Variants in ZFPM1 observed in about 807,000 individuals in gnomAD.
ZFPM1 encodes zinc finger protein, FOG family member 1.
ZFPM1 carries 28 observed loss-of-function variants against 46.3 expected under a neutral mutation model. That is an observed-to-expected ratio of 0.60 (90% CI 0.45 to 0.83). The LOEUF is 0.83. Among genes scored for constraint, ZFPM1 ranks in the 40% least tolerant of loss-of-function variants. The pLI is 0.00. For missense variants in ZFPM1, 1,878 were observed against 1,432.4 expected (o/e 1.31, Z -5.02); for synonymous variants, 957 against 675.9 (o/e 1.42, Z -6.45).
At chr16:88,529,913 G>A (rs142218777) in intron 6 of ZFPM1, among the ~76,000 whole-genome samples, 248 of 152,314 alleles carry the variant, frequency 1.6e-3, no homozygotes, top group Non-Finnish European at 2.9e-3. Flanking sequence ...GGTGACACTG[G>A]AGAGAACGGG....
intron 4 of ZFPM1, among the ~76,000 whole-genome samples, chr16:88,521,839 C>G (rs1911927754): frequency 6.7e-6 from 1 of 149,290 alleles, no homozygotes; most frequent in Non-Finnish European, 1.5e-5. Context: ...CTCCCCTATG[C>G]TGTTCCCTCT....
At chr16:88,463,970 C>T (rs977701222) in intron 1 of ZFPM1, among the ~76,000 whole-genome samples, 4 of 152,198 alleles carry the variant, frequency 2.6e-5, no homozygotes, top group African/African-American at 9.6e-5. Flanking sequence ...GCAGGGCCAG[C>T]CCTGGGCACT....
rs753779604 is a variant in ZFPM1, at chr16:88,534,499, C to A, written c.2541C>A (p.Gly847=). The A allele has an allele frequency of 3.8e-5, 56 of 1,460,744 alleles. 1 individual carries two copies. In the South Asian group the frequency reaches 6.5e-4, roughly 17 times the overall value. 90.5% of individuals were successfully genotyped at this position (1,460,744 alleles called of 1,614,324 possible). ...KYSCPAAPPP[G]ALGLPAAACP... ...CGTGCCCCGCTGCGCCACCGCCCGGCGCGCTCGGCCTGCCCGCCGCCGCCT... is the reference window on the plus strand; with the variant it reads ...CGTGCCCCGCTGCGCCACCGCCCGGAGCGCTCGGCCTGCCCGCCGCCGCCT... Residue 847 remains glycine (G), a synonymous_variant, in exon 10 of 10, where the codon GGC becomes GGA. Coordinates refer to ENST00000319555, the MANE Select transcript of ZFPM1 (RefSeq NM_153813.3).
intron 3 of ZFPM1, among the ~76,000 whole-genome samples, chr16:88,510,081 G>T (rs970459697): frequency 6.6e-6 from 1 of 152,108 alleles, no homozygotes; most frequent in Non-Finnish European, 1.5e-5. Context: ...CTAGGAGAGA[G>T]AGAATAGTGC....
intron 3 of ZFPM1, among the ~76,000 whole-genome samples, chr16:88,511,120 G>C (rs1910935216): frequency 6.6e-6 from 1 of 152,206 alleles, no homozygotes; most frequent in Admixed American, 6.5e-5. Flanking sequence ...GAGGCTGGCA[G>C]GGAAGGACAC....
At chr16:88,533,018 T>TG in intron 9 of ZFPM1, 83 bp downstream of exon 9, 2 of 1,567,164 alleles carry the variant, frequency 1.3e-6, no homozygotes, top group Non-Finnish European at 1.7e-6. Context: ...CCAAGACAGG[T>TG]GGGGGTCCGT....
intron 1 of ZFPM1, among the ~76,000 whole-genome samples, chr16:88,485,125 G>C (rs1009195364): frequency 2.6e-5 from 4 of 152,228 alleles, no homozygotes; most frequent in African/African-American, 9.6e-5. Context: ...TGGGCCCCTG[G>C]GCGGGGCACT....
Position 88,533,911 on chromosome 16 carries a change from G to C in ZFPM1, c.1953G>C (p.Ala651=). 1.8e-6 allele frequency: 2 copies of C among 1,141,518 alleles called. No individual in the cohort carries two copies. The highest frequency in any genetic ancestry group is 2.2e-6 in the Non-Finnish European group (2 of 919,972). 70.7% of individuals were successfully genotyped at this position (1,141,518 alleles called of 1,614,324 possible). Residue 651 remains alanine (A), a synonymous_variant, in exon 10 of 10, where the codon GCG becomes GCC. Transcript: ENST00000319555. ...CGCGCGAGGAGGGGGCTGGGGGCGC[G>C]GCCACGCCCGAGGACGGCGCGGGCG... ...PGAREEGAGG[A]ATPEDGAGGR...
rs1913191035 is a variant in ZFPM1, at chr16:88,535,130, C to T, written c.*151C>T. The T allele has an allele frequency of 5.2e-6, 5 of 956,878 alleles. No homozygotes were observed. Among genetic ancestry groups the T allele is most frequent in the Middle Eastern group, 3.5e-4 (1 of 2,822 alleles). The allele number at this position is 956,878 out of a possible 1,614,324, so 59.3% of individuals were successfully genotyped here. On this transcript the variant is annotated 3_prime_UTR_variant, in exon 10 of 10. Transcript: ENST00000319555. ...CGCAGGGGGCAGCGCCCGCCTGGAC[C>T]CTTGGCACTTAATAAAGAAGTTCAG...
At chr16:88,460,946 C>T (rs1382498270) in intron 1 of ZFPM1, among the ~76,000 whole-genome samples, 1 of 46,466 alleles carries the variant, frequency 2.2e-5, no homozygotes, top group Non-Finnish European at 3.7e-5. Flanking sequence ...TGGTGATGAC[C>T]GAGGGGCGGG....
At position 88,469,358 on chromosome 16, in the gene ZFPM1, C is replaced by A. The variant is rs1358427502; in HGVS notation, c.40+15680C>A. On this transcript the variant is annotated intron_variant, in intron 1 of 9. Coordinates refer to ENST00000319555, the MANE Select transcript of ZFPM1 (RefSeq NM_153813.3). The surrounding 1 kb of genome is among the most constrained non-coding windows in gnomAD (Gnocchi z 4.3). ...GAAGGCGGTCTAGTAGGTCTGCCTC[C>A]CAGGATGGTTTCTGGGCTCTTCAGC... Among the ~76,000 whole-genome samples the A allele has an allele frequency of 2.6e-5, 4 of 152,222 alleles. No individual in the cohort carries two copies. The highest frequency in any genetic ancestry group is 7.2e-5 in the African/African-American group (3 of 41,458).
At chr16:88,527,779 T>C (rs1025994266) in intron 5 of ZFPM1, among the ~76,000 whole-genome samples, 2 of 151,456 alleles carry the variant, frequency 1.3e-5, no homozygotes, top group Non-Finnish European at 2.9e-5. Flanking sequence ...CGTCATCCCT[T>C]TCCTGGGAGA....
intron 1 of ZFPM1, among the ~76,000 whole-genome samples, chr16:88,456,485 G>C (rs1907567154): frequency 6.6e-6 from 1 of 152,194 alleles, no homozygotes; most frequent in Non-Finnish European, 1.5e-5. Context: ...AGACCTGCCT[G>C]GGCTGAGCAC....
At position 88,461,054 on chromosome 16, in the gene ZFPM1, C is replaced by CCTGGTGAGGACCCAGGGGCAGAAGGT. The variant is rs1567525610; in HGVS notation, c.40+7389_40+7414dup. On this transcript the variant is annotated intron_variant, in intron 1 of 9. Transcript: ENST00000319555. ...TGGTGAGGACCGAGGGGCGGGAGGC[C>CCTGGTGAGGACCCAGGGGCAGAAGGT]CTGGTGAGGACCCAGGGGCAGAAGG... Among the ~76,000 whole-genome samples, 416 of 69,826 alleles carry CCTGGTGAGGACCCAGGGGCAGAAGGT rather than the reference C, an allele frequency of 6.0e-3. 2 individuals are homozygous for CCTGGTGAGGACCCAGGGGCAGAAGGT. Among genetic ancestry groups the CCTGGTGAGGACCCAGGGGCAGAAGGT allele is most frequent in the Non-Finnish European group, 8.3e-3 (310 of 37,544 alleles). 45.8% of individuals were successfully genotyped at this position (69,826 alleles called of 152,430 possible).
intron 6 of ZFPM1, among the ~76,000 whole-genome samples, chr16:88,531,238 A>G (rs1912761827): frequency 6.6e-6 from 1 of 152,180 alleles, no homozygotes; most frequent in Non-Finnish European, 1.5e-5. Context: ...CAGATGGGGC[A>G]GGGCTCTGGG....
chr16:88,520,370 G>T (rs1156268693), intron 4 of ZFPM1, among the ~76,000 whole-genome samples: 1 of 151,796 alleles, frequency 6.6e-6, no homozygotes, highest in Non-Finnish European at 1.5e-5. Context: ...TGGGTGGATG[G>T]ATGAGTGGAT....
chr16:88,483,650 C>T lies in ZFPM1; in HGVS notation c.41-2289C>T, dbSNP rs376090984. Among the ~76,000 whole-genome samples the T allele has an allele frequency of 1.9e-3, 291 of 152,378 alleles. 10 individuals carry two copies. In the South Asian group the frequency reaches 0.058, roughly 31 times the overall value. On this transcript the variant is annotated intron_variant, in intron 1 of 9. Transcript: ENST00000319555. ...CCGGGGCCCATCTGTTGTTCTCTGACTGTCCCCACAGTGGCCCGGACACCC... is the reference window on the plus strand; with the variant it reads ...CCGGGGCCCATCTGTTGTTCTCTGATTGTCCCCACAGTGGCCCGGACACCC...
intron 1 of ZFPM1, among the ~76,000 whole-genome samples, chr16:88,483,740 G>A (rs1480396430): frequency 2.0e-5 from 3 of 152,268 alleles, no homozygotes; most frequent in South Asian, 4.2e-4. Context: ...CCTAGCCCTC[G>A]GGTGTCAGCA....
intron 3 of ZFPM1, among the ~76,000 whole-genome samples, chr16:88,506,822 A>T (rs1176757248): frequency 6.6e-6 from 1 of 152,178 alleles, no homozygotes. Flanking sequence ...AAGCCAGGCT[A>T]ATCTGCAGAG....
Sources: allele counts gnomAD v4.1 joint callset (sites outside exome capture counted in the v4.1 genomes callset), GRCh38; gene constraint gnomAD v4.1.1; non-coding constraint Gnocchi (gnomAD v3.1); transcripts MANE v1.5; gene names NCBI Gene and HGNC (gene_info 2026-07-23, HGNC 2026-07-21).